The following SLC9A8 variants were observed in gnomAD, a reference collection of about 807,000 sequenced individuals.
The protein encoded by SLC9A8 is sodium/hydrogen exchanger 8.
In SLC9A8, 48 loss-of-function variants were observed where a neutral mutation model predicts 66.6. The observed-to-expected ratio is 0.72, with a 90% CI of 0.57 to 0.92. The LOEUF (loss-of-function observed/expected upper bound fraction) is 0.92. Ranked by LOEUF, SLC9A8 falls within the 40% of genes least tolerant of loss-of-function variation. The probability of loss-of-function intolerance (pLI) is 0.00; values close to 1 mark genes in which losing one functional copy is unlikely to be tolerated. For synonymous variants in SLC9A8, 274 were observed against 282.6 expected (o/e 0.97, Z 0.31); for missense variants, 599 against 747.3 (o/e 0.80, Z 2.31).
At chr20:49,850,705 G>A (rs988935047) in intron 6 of SLC9A8, 105 bp from the exon 7 acceptor site, 4 of 1,421,584 alleles carry the variant, frequency 2.8e-6, no homozygotes, top group Admixed American at 2.2e-5. Flanking sequence ...GAAGATTAAT[G>A]TCCTTATTAG....
At chr20:49,850,189 T>C (rs867400165) in intron 6 of SLC9A8, among the ~76,000 whole-genome samples, 1 of 152,370 alleles carries the variant, frequency 6.6e-6, no homozygotes, top group Middle Eastern at 3.4e-3. Flanking sequence ...CTCTGGATTT[T>C]CCACAATTGC....
chr20:49,865,786 C>T (rs2088938222), intron 10 of SLC9A8, among the ~76,000 whole-genome samples: 1 of 152,166 alleles, frequency 6.6e-6, no homozygotes. Context: ...TGGAGCGTGA[C>T]TCACCCCTGT....
In SLC9A8 at chr20:49,838,495, A is replaced by T. The variant is rs1036505606; in HGVS notation, c.290-1046A>T. Among the ~76,000 whole-genome samples the T allele has an allele frequency of 2.6e-5, 4 of 152,272 alleles. No homozygotes were observed. In the East Asian group the frequency reaches 7.7e-4, roughly 29 times the overall value. ...AATAGTTTTATTATTTTTTAATACT[A>T]TATAACAATTCAAATAGCATGGAGG... On this transcript the variant is annotated intron_variant, in intron 3 of 15. Coordinates refer to ENST00000361573, the MANE Select transcript of SLC9A8 (RefSeq NM_015266.3).
intron 2 of SLC9A8, among the ~76,000 whole-genome samples, chr20:49,819,235 T>G (rs1788005986): frequency 6.6e-6 from 1 of 152,254 alleles, no homozygotes; most frequent in Non-Finnish European, 1.5e-5. Flanking sequence ...ATGATTGATA[T>G]GTGTTTTATA....
intron 11 of SLC9A8, among the ~76,000 whole-genome samples, chr20:49,876,070 C>G (rs1197861187): frequency 6.6e-6 from 1 of 152,130 alleles, no homozygotes; most frequent in Non-Finnish European, 1.5e-5. Context: ...TACTTCCACA[C>G]TGTTAGCGTG....
chr20:49,822,513 C>T (rs6067241), intron 2 of SLC9A8, among the ~76,000 whole-genome samples: 13,037 of 152,226 alleles, frequency 0.086, 665 homozygotes, highest in Middle Eastern at 0.13. Context: ...GGCTGATCAC[C>T]GTGGCTCACG....
At chr20:49,827,813 T>C (rs1356715474) in intron 3 of SLC9A8, among the ~76,000 whole-genome samples, 1 of 152,036 alleles carries the variant, frequency 6.6e-6, no homozygotes, top group Non-Finnish European at 1.5e-5. Flanking sequence ...TGCTGATGAT[T>C]AGAAAAACTG....
chr20:49,847,003 T>G (rs1337274629), intron 5 of SLC9A8, among the ~76,000 whole-genome samples: 1 of 152,178 alleles, frequency 6.6e-6, no homozygotes, highest in African/African-American at 2.4e-5. Flanking sequence ...AAAAAATGAG[T>G]TAGATTTGTC....
Position 49,850,868 on chromosome 20 carries a change from C to T in SLC9A8, c.569+24C>T, listed in dbSNP as rs140589405. ...AGGTAAATCCTTCATACTGTAACAC[C>T]CATGCGACTGCTTTTCAGACAGGGG... On this transcript the variant is annotated intron_variant, in intron 7 of 15. Transcript: ENST00000361573. 18 of 1,552,160 alleles carry T rather than the reference C, an allele frequency of 1.2e-5. No homozygotes were observed. The African/African-American group carries it at 1.9e-4, about 17-fold the overall frequency.
At chr20:49,835,274 C>T (rs142120708) in intron 3 of SLC9A8, among the ~76,000 whole-genome samples, 2 of 151,916 alleles carry the variant, frequency 1.3e-5, no homozygotes, top group East Asian at 1.9e-4. Flanking sequence ...AATGCAGCAC[C>T]ACTGTTAATA....
chr20:49,856,820 CAAA>C (rs143064218), intron 8 of SLC9A8, among the ~76,000 whole-genome samples: 2 of 99,166 alleles, frequency 2.0e-5, no homozygotes, highest in Admixed American at 1.1e-4. Flanking sequence ...GACTCCGTCT[CAAA>C]AAAAAAAAAA....
chr20:49,830,048 A>C, intron 3 of SLC9A8: 1 of 688,164 alleles, frequency 1.5e-6, no homozygotes, highest in Non-Finnish European at 2.8e-6. Flanking sequence ...GCAGCCGACC[A>C]GAAGCGAGCC....
Position 49,887,962 on chromosome 20 carries a change from G to C in SLC9A8, c.*26G>C, listed in dbSNP as rs764812382. 2 of 1,583,640 alleles carry C rather than the reference G, an allele frequency of 1.3e-6. No individual in the cohort carries two copies. Among genetic ancestry groups the C allele is most frequent in the Non-Finnish European group, 1.7e-6 (2 of 1,153,102 alleles). ...CGCCAGGTGCCAAGGCTTCAGGCAG[G>C]CAGGCCCAGGATGGGCGTTTGCTGC... On this transcript the variant is annotated 3_prime_UTR_variant, in exon 16 of 16. Coordinates refer to ENST00000361573, the MANE Select transcript of SLC9A8 (RefSeq NM_015266.3).
At chr20:49,860,726 T>A (rs1028285056) in intron 8 of SLC9A8, among the ~76,000 whole-genome samples, 2 of 151,848 alleles carry the variant, frequency 1.3e-5, no homozygotes, top group Non-Finnish European at 2.9e-5. Context: ...ATCTCAAAAA[T>A]AATAATAATA....
intron 15 of SLC9A8, 110 bp downstream of exon 15, chr20:49,887,008 C>A (rs368213216): frequency 3.6e-5 from 46 of 1,264,614 alleles, no homozygotes; most frequent in Admixed American, 1.2e-4. Context: ...GGAAAGCTCA[C>A]GTGGGCCCGC....
intron 4 of SLC9A8, among the ~76,000 whole-genome samples, chr20:49,840,446 TACTTTG>T (rs2087713942): frequency 6.6e-6 from 1 of 152,198 alleles, no homozygotes; most frequent in Non-Finnish European, 1.5e-5. Context: ...AAGCCCTTCC[TACTTTG>T]ATGAAGCTCC....
Position 49,828,848 on chromosome 20 carries a change from G to GTAA in SLC9A8, c.289+5727_289+5729dup, listed in dbSNP as rs60945627. Among the ~76,000 whole-genome samples the GTAA allele has an allele frequency of 1.7e-3, 252 of 149,848 alleles. 2 individuals are homozygous for GTAA. The highest frequency in any genetic ancestry group is 0.016 in the East Asian group (79 of 5,072). ...AGTGAGACTCTGTCTCAAATAAATA[G>GTAA]TAATAATAATAATAATAATAATGTA... On this transcript the variant is annotated intron_variant, in intron 3 of 15. Coordinates refer to ENST00000361573, the MANE Select transcript of SLC9A8 (RefSeq NM_015266.3).
chr20:49,823,285 T>C, intron 3 of SLC9A8, 144 bp downstream of exon 3: 1 of 715,926 alleles, frequency 1.4e-6, no homozygotes, highest in South Asian at 1.5e-5. Flanking sequence ...CTAAGGGTGC[T>C]ATGATCCCAT....
chr20:49,859,387 A>G (rs538304204), intron 8 of SLC9A8, among the ~76,000 whole-genome samples: 16 of 152,274 alleles, frequency 1.1e-4, no homozygotes, highest in African/African-American at 3.6e-4. Context: ...GGCTTCTCAG[A>G]AGGAACGTCT....
Sources: allele counts gnomAD v4.1 joint callset (sites outside exome capture counted in the v4.1 genomes callset), GRCh38; gene constraint gnomAD v4.1.1; transcripts MANE v1.5; gene names NCBI Gene and HGNC (gene_info 2026-07-23, HGNC 2026-07-21).